Variants in ELP4 observed in about 807,000 individuals in gnomAD.
The protein encoded by ELP4 is elongator acetyltransferase complex subunit 4.
Under a neutral mutation model 48.9 loss-of-function variants are expected in ELP4, and 51 were observed. The observed-to-expected ratio is 1.04, with a 90% CI of 0.83 to 1.32. The LOEUF is 1.32. Ranked by LOEUF, ELP4 falls within the 40% of genes most tolerant of loss-of-function variation. ELP4 has a pLI of 0.00. For synonymous variants in ELP4, 210 were observed against 189.2 expected, an observed-to-expected ratio of 1.11 and a Z score of -0.90; for missense variants, 519 against 514.6, an observed-to-expected ratio of 1.01 and a Z score of -0.08.
At chr11:31,569,463 A>G (rs1384211439) in intron 3 of ELP4, among the ~76,000 whole-genome samples, 1 of 152,148 alleles carries the variant, frequency 6.6e-6, no homozygotes, top group Non-Finnish European at 1.5e-5. Context: ...AAGAACACAT[A>G]CAAGTAGAAC....
chr11:31,625,280 C>G (rs1052642429), intron 5 of ELP4, among the ~76,000 whole-genome samples: 25 of 151,574 alleles, frequency 1.6e-4, no homozygotes, highest in Non-Finnish European at 3.1e-4. Flanking sequence ...CCATCATTGA[C>G]CAAAACGTCC....
chr11:31,610,292 T>C lies in ELP4; in HGVS notation c.653+6385T>C, dbSNP rs1050402618. ...AGTAAAAAGATAATGTTTGAAAATTTAGAAAGAGGACTATTATTCTGGGCC... is the reference window on the plus strand; with the variant it reads ...AGTAAAAAGATAATGTTTGAAAATTCAGAAAGAGGACTATTATTCTGGGCC... On this transcript the variant is annotated intron_variant, in intron 5 of 9. Coordinates refer to ENST00000640961, the MANE Select transcript of ELP4 (RefSeq NM_019040.5). Among the ~76,000 whole-genome samples the C allele has an allele frequency of 2.0e-5, 3 of 152,200 alleles. No individual in the cohort carries two copies. The East Asian group carries it at 5.8e-4, about 29-fold the overall frequency.
intron 8 of ELP4, 52 bp from the exon 9 acceptor site, chr11:31,650,063 C>A: frequency 1.4e-6 from 1 of 722,008 alleles, no homozygotes; most frequent in South Asian, 1.7e-5. Context: ...TTAATTTATG[C>A]ATCTGATGAC....
intron 9 of ELP4, among the ~76,000 whole-genome samples, chr11:31,775,017 G>C (rs1459540799): frequency 6.6e-6 from 1 of 152,170 alleles, no homozygotes; most frequent in African/African-American, 2.4e-5. Context: ...GGATGACTGT[G>C]TTAGCACCTA....
chr11:31,789,970 T>G lies in ELP4; in HGVS notation c.*6446T>G. 6.2e-7 allele frequency: 1 copy of G among 1,605,052 alleles called. No homozygotes were observed. The stretch of plus-strand genomic sequence containing the variant: ...TTGGCCAGTATTGAGACATATCAGG[T>G]TCACTTCCGGGAACTTGAACTGGAA... On this transcript the variant is annotated 3_prime_UTR_variant, in exon 10 of 10. Coordinates refer to ENST00000640961, the MANE Select transcript of ELP4 (RefSeq NM_019040.5).
intron 2 of ELP4, among the ~76,000 whole-genome samples, chr11:31,534,309 G>T (rs949642182): frequency 6.6e-6 from 1 of 151,700 alleles, no homozygotes; most frequent in Non-Finnish European, 1.5e-5. Context: ...GCGAGAGAGA[G>T]AGAAAGAGGA....
chr11:31,717,675 AC>A (rs1312676656), intron 9 of ELP4, among the ~76,000 whole-genome samples: 1 of 151,096 alleles, frequency 6.6e-6, no homozygotes, highest in Non-Finnish European at 1.5e-5. Flanking sequence ...AATCGCTTGA[AC>A]CCAGGAGGCG....
At chr11:31,537,796 G>A (rs1956525388) in intron 2 of ELP4, among the ~76,000 whole-genome samples, 1 of 151,864 alleles carries the variant, frequency 6.6e-6, no homozygotes, top group Admixed American at 6.6e-5. Flanking sequence ...CCAACACCGG[G>A]GACTACAATT....
chr11:31,587,662 T>C lies in ELP4; in HGVS notation c.382-7108T>C, dbSNP rs896507212. ...TCTATAAAGTGTTAATATTAATTATTGATATTTTATTATGTAATACTATTG... is the reference window on the plus strand; with the variant it reads ...TCTATAAAGTGTTAATATTAATTATCGATATTTTATTATGTAATACTATTG... On this transcript the variant is annotated intron_variant, in intron 3 of 9. Coordinates refer to ENST00000640961, the MANE Select transcript of ELP4 (RefSeq NM_019040.5). 7.9e-5 allele frequency among the ~76,000 whole-genome samples: 12 copies of C among 152,248 alleles called. 1 individual carries two copies. The East Asian group carries it at 2.3e-3, about 29-fold the overall frequency.
chr11:31,650,969 T>G (rs898269273), intron 9 of ELP4: 1 of 151,696 alleles, frequency 6.6e-6, no homozygotes, highest in African/African-American at 2.4e-5. Flanking sequence ...CAAACCATTT[T>G]GTTTAATCTC....
chr11:31,591,907 A>G lies in ELP4; in HGVS notation c.382-2863A>G, dbSNP rs575621489. On this transcript the variant is annotated intron_variant, in intron 3 of 9. Transcript: ENST00000640961. ...GTGGTACATACATACAATGAATAGTATTCGACCATAAAAAAGAATGAAATA... is the reference window on the plus strand; with the variant it reads ...GTGGTACATACATACAATGAATAGTGTTCGACCATAAAAAAGAATGAAATA... Among the ~76,000 whole-genome samples the G allele has an allele frequency of 7.9e-5, 12 of 152,334 alleles. No individual in the cohort carries two copies. In the South Asian group the frequency reaches 2.5e-3, roughly 32 times the overall value.
rs149528252 is a variant in ELP4 at position 31,710,496 on chromosome 11, A to G, written c.1143+60275A>G. On this transcript the variant is annotated intron_variant, in intron 9 of 9. Coordinates refer to ENST00000640961, the MANE Select transcript of ELP4 (RefSeq NM_019040.5). ...AAAAATCAGCCAGGCATTGTGGCAC[A>G]TGCCTGTAGTCCCAGCTATTCTGGA... Among the ~76,000 whole-genome samples, 528 of 152,188 alleles carry G rather than the reference A, an allele frequency of 3.5e-3. 1 individual carries two copies. The highest frequency in any genetic ancestry group is 6.5e-3 in the Non-Finnish European group (440 of 67,984).
intron 9 of ELP4, among the ~76,000 whole-genome samples, chr11:31,755,576 C>T (rs1216720482): frequency 1.3e-5 from 2 of 151,962 alleles, no homozygotes; most frequent in Admixed American, 6.6e-5. Context: ...TTCAGACAAA[C>T]CCATATTGAG....
chr11:31,539,899 C>T lies in ELP4; in HGVS notation c.381+116C>T, dbSNP rs7108250. 5,514 of 731,510 alleles carry T rather than the reference C, an allele frequency of 7.5e-3. 230 individuals carry two copies. The African/African-American group carries it at 0.091, about 12-fold the overall frequency. The allele number at this position is 731,510 out of a possible 1,614,324, so 45.3% of individuals were successfully genotyped here. ...TACAAACTATATTTAAATGCATTAA[C>T]GGAACCATACATTTTTTAAAATCTC... On this transcript the variant is annotated intron_variant, in intron 3 of 9. Transcript: ENST00000640961.
chr11:31,612,567 C>A (rs980903316), intron 5 of ELP4, among the ~76,000 whole-genome samples: 5 of 152,054 alleles, frequency 3.3e-5, no homozygotes, highest in Admixed American at 1.3e-4. Flanking sequence ...GGATCATGAA[C>A]TTTAGGCTGA....
At chr11:31,592,734 G>A (rs1465406278) in intron 3 of ELP4, among the ~76,000 whole-genome samples, 1 of 151,604 alleles carries the variant, frequency 6.6e-6, no homozygotes, top group African/African-American at 2.4e-5. Context: ...TTTTAACATG[G>A]TAAAACGTCT....
intron 9 of ELP4, among the ~76,000 whole-genome samples, chr11:31,716,660 G>T (rs138806224): frequency 6.6e-6 from 1 of 152,104 alleles, no homozygotes; most frequent in Non-Finnish European, 1.5e-5. Flanking sequence ...GATGATTTAC[G>T]TAGCTGGACA....
At chr11:31,777,292 G>C (rs542555260) in intron 9 of ELP4, among the ~76,000 whole-genome samples, 1 of 152,134 alleles carries the variant, frequency 6.6e-6, no homozygotes, top group East Asian at 1.9e-4. Context: ...GACCCTGAAA[G>C]GAAATCTGTC....
intron 9 of ELP4, among the ~76,000 whole-genome samples, chr11:31,679,693 A>G (rs1946016947): frequency 6.6e-6 from 1 of 152,180 alleles, no homozygotes; most frequent in South Asian, 2.1e-4. Context: ...TTTTGAAGGG[A>G]CACAATTCAG....
Sources: gnomAD v4.1 joint callset for allele counts (sites outside exome capture counted in the v4.1 genomes callset) on GRCh38, gnomAD v4.1.1 for gene constraint, MANE v1.5 for transcripts, NCBI Gene and HGNC (gene_info 2026-07-23, HGNC 2026-07-21) for gene names.